The following ST8SIA5 variants were observed in gnomAD, a reference collection of about 807,000 sequenced individuals.
ST8SIA5 encodes the protein alpha-2,8-sialyltransferase 8E.
A neutral mutation model predicts 40.2 loss-of-function variants in ST8SIA5; 24 were observed. The ratio of observed to expected loss-of-function variants is 0.60; its 90% confidence interval spans 0.43 to 0.84. The LOEUF (loss-of-function observed/expected upper bound fraction) is 0.84. ST8SIA5 is among the 40% of genes least tolerant of loss of function. ST8SIA5 has a pLI of 0.00. For synonymous variants in ST8SIA5, 198 were observed against 201.8 expected, an observed-to-expected ratio of 0.98 and a Z score of 0.16; for missense variants, 465 against 498.5, an observed-to-expected ratio of 0.93 and a Z score of 0.64.
At chr18:46,680,567 C>A in intron 6 of ST8SIA5, 57 bp from the exon 7 acceptor site, 6 of 1,483,774 alleles carry the variant, frequency 4.0e-6, no homozygotes, top group East Asian at 2.5e-5. Context: ...TCAGGCCCCT[C>A]GCTTCCCCAC....
rs1355602640 is a variant in ST8SIA5, at chr18:46,671,997, C to G, written c.*8045G>C. The G allele has an allele frequency of 2.0e-5, 3 of 152,222 alleles. No homozygotes were observed. In the South Asian group the frequency reaches 6.2e-4, roughly 32 times the overall value. 9.4% of individuals were successfully genotyped at this position (152,222 alleles called of 1,614,324 possible). The stretch of plus-strand genomic sequence containing the variant: ...TCCACCCTGGCCTCACCAAATAACT[C>G]TGGGGCGGGGCCCATAATCAAGGAG... On this transcript the variant is annotated 3_prime_UTR_variant, in exon 7 of 7. Transcript: ENST00000315087.
At chr18:46,718,881 C>T (rs1005641731) in intron 1 of ST8SIA5, among the ~76,000 whole-genome samples, 4 of 152,080 alleles carry the variant, frequency 2.6e-5, no homozygotes, top group Admixed American at 2.0e-4. Context: ...ACGTCGTGTC[C>T]TCGTTAGGTC....
At chr18:46,692,389 T>C in intron 2 of ST8SIA5, 134 bp from the exon 3 acceptor site, 1 of 682,202 alleles carries the variant, frequency 1.5e-6, no homozygotes, top group Non-Finnish European at 2.5e-6. Context: ...TTGACCATGT[T>C]TTCTTCTCTT....
intron 1 of ST8SIA5, among the ~76,000 whole-genome samples, chr18:46,750,156 G>T (rs2040182791): frequency 6.6e-6 from 1 of 152,206 alleles, no homozygotes; most frequent in Non-Finnish European, 1.5e-5. Flanking sequence ...AAACTCCATT[G>T]AAAGACACGG....
intron 1 of ST8SIA5, among the ~76,000 whole-genome samples, chr18:46,719,653 C>T (rs36129965): frequency 0.18 from 12,935 of 70,972 alleles, 704 homozygotes; most frequent in African/African-American, 0.24. Context: ...TCACTTGACT[C>T]GCCTTTCTAT....
rs2039333518 is a variant in ST8SIA5, at chr18:46,675,435, C to T, written c.*4607G>A. On this transcript the variant is annotated 3_prime_UTR_variant, in exon 7 of 7. Transcript: ENST00000315087. ...GAGGAGACTCTGAGTTCAGATTGTT[C>T]TTTTAACTATACCAGTTGAGGACAT... The T allele has an allele frequency of 6.6e-6, 1 of 152,176 alleles. No homozygotes were observed. The highest frequency in any genetic ancestry group is 2.1e-4 in the South Asian group (1 of 4,824). 9.4% of individuals were successfully genotyped at this position (152,176 alleles called of 1,614,324 possible).
intron 1 of ST8SIA5, among the ~76,000 whole-genome samples, chr18:46,742,844 C>A (rs1369117267): frequency 6.6e-6 from 1 of 152,166 alleles, no homozygotes; most frequent in Non-Finnish European, 1.5e-5. Context: ...GGCGGATGCC[C>A]CTCTGGGACG....
rs1220231483 is a variant in ST8SIA5, at chr18:46,674,336, C to A, written c.*5706G>T. ...ATGAGGGAAAACAAAAAGAGGCTAGCCAAGCCCATAAGCCCCCACTAGACA... is the reference window on the plus strand; with the variant it reads ...ATGAGGGAAAACAAAAAGAGGCTAGACAAGCCCATAAGCCCCCACTAGACA... On this transcript the variant is annotated 3_prime_UTR_variant, in exon 7 of 7. Coordinates refer to ENST00000315087, the MANE Select transcript of ST8SIA5 (RefSeq NM_013305.6). 1 of 152,216 alleles carries A rather than the reference C, an allele frequency of 6.6e-6. No homozygotes were observed. The highest frequency in any genetic ancestry group is 6.5e-5 in the Admixed American group (1 of 15,282). 9.4% of individuals were successfully genotyped at this position (152,216 alleles called of 1,614,324 possible).
chr18:46,714,604 G>T (rs531126173), intron 1 of ST8SIA5, among the ~76,000 whole-genome samples: 21 of 152,256 alleles, frequency 1.4e-4, no homozygotes, highest in African/African-American at 5.1e-4. Context: ...CAGGGAGGGA[G>T]TGCTATCCCC....
rs1047704274 is a variant in ST8SIA5, at chr18:46,674,556, G to A, written c.*5486C>T. ...AGGAACCAGAGACCTCATTACTGTA[G>A]TAAACATGTGTTGAGTGGCCATGGC... is the stretch of plus-strand genomic sequence containing the variant. On this transcript the variant is annotated 3_prime_UTR_variant, in exon 7 of 7. Transcript: ENST00000315087. The A allele has an allele frequency of 2.0e-5, 3 of 152,284 alleles. No homozygotes were observed. The highest frequency in any genetic ancestry group is 4.4e-5 in the Non-Finnish European group (3 of 68,072). 9.4% of individuals were successfully genotyped at this position (152,284 alleles called of 1,614,324 possible).
At chr18:46,728,358 T>C (rs1429975766) in intron 1 of ST8SIA5, among the ~76,000 whole-genome samples, 1 of 152,180 alleles carries the variant, frequency 6.6e-6, no homozygotes, top group African/African-American at 2.4e-5. Flanking sequence ...GGGGAGGAAG[T>C]GGCACATGCG....
At chr18:46,733,143 G>A (rs1298579973) in intron 1 of ST8SIA5, among the ~76,000 whole-genome samples, 1 of 152,116 alleles carries the variant, frequency 6.6e-6, no homozygotes, top group East Asian at 1.9e-4. Flanking sequence ...ACCCTGGGAG[G>A]GGGAAGACCC....
intron 1 of ST8SIA5, among the ~76,000 whole-genome samples, chr18:46,717,467 C>T (rs1196924903): frequency 6.6e-6 from 1 of 152,162 alleles, no homozygotes; most frequent in African/African-American, 2.4e-5. Flanking sequence ...GCCCGAGTAG[C>T]TGGGATTACA....
chr18:46,729,381 G>C (rs535956206), intron 1 of ST8SIA5, among the ~76,000 whole-genome samples: 1 of 16,988 alleles, frequency 5.9e-5, no homozygotes, highest in East Asian at 6.3e-3. Flanking sequence ...AGGGGGCCAG[G>C]GGTGGGTGCC....
At chr18:46,685,187 A>G (rs2039433869) in intron 5 of ST8SIA5, among the ~76,000 whole-genome samples, 1 of 152,198 alleles carries the variant, frequency 6.6e-6, no homozygotes, top group Non-Finnish European at 1.5e-5. Context: ...GCAATGCTGG[A>G]GCCTGGATCA....
In ST8SIA5 at chr18:46,676,104, C is replaced by A. The variant is rs1267010243; in HGVS notation, c.*3938G>T. 6.6e-6 allele frequency: 1 copy of A among 152,164 alleles called. No homozygotes were observed. The highest frequency in any genetic ancestry group is 2.4e-5 in the African/African-American group (1 of 41,424). The allele number at this position is 152,164 out of a possible 1,614,324, so 9.4% of individuals were successfully genotyped here. A position where few individuals can be genotyped will look rare whatever the true frequency, so the allele number is the denominator to read the frequency against. On this transcript the variant is annotated 3_prime_UTR_variant, in exon 7 of 7. Coordinates refer to ENST00000315087, the MANE Select transcript of ST8SIA5 (RefSeq NM_013305.6). ...GAGAGGCCAACCTTGTCAAATGTTACACGGATGTCAAGGATGATATCTGAG... is the reference window on the plus strand; with the variant it reads ...GAGAGGCCAACCTTGTCAAATGTTAAACGGATGTCAAGGATGATATCTGAG...
At chr18:46,749,978 G>A (rs1021773962) in intron 1 of ST8SIA5, among the ~76,000 whole-genome samples, 2 of 152,150 alleles carry the variant, frequency 1.3e-5, no homozygotes, top group Non-Finnish European at 2.9e-5. Context: ...GCCCTCACCA[G>A]AACCCAACCA....
rs532936581 is a variant in ST8SIA5 at position 46,729,057 on chromosome 18, C to A, written c.132-24393G>T. 1.8e-4 allele frequency among the ~76,000 whole-genome samples: 27 copies of A among 152,290 alleles called. 2 individuals carry two copies. The highest frequency in any genetic ancestry group is 4.8e-4 in the African/African-American group (20 of 41,552). On this transcript the variant is annotated intron_variant, in intron 1 of 6. Transcript: ENST00000315087. ...CCACTATTGTGCTCCCACAATCATC[C>A]TGCGCCCCACCTGCCTCAATGTCCC...
Position 46,678,117 on chromosome 18 carries a change from T to G in ST8SIA5, c.*1925A>C, listed in dbSNP as rs1019467312. On this transcript the variant is annotated 3_prime_UTR_variant, in exon 7 of 7. Transcript: ENST00000315087. ...CAAGTAATAACCATCCACTGTCCTT[T>G]GCAGTTCTTCCTGGTTTAGCAGGTG... is the stretch of plus-strand genomic sequence containing the variant. 1 of 152,242 alleles carries G rather than the reference T, an allele frequency of 6.6e-6. No homozygotes were observed. Among genetic ancestry groups the G allele is most frequent in the Non-Finnish European group, 1.5e-5 (1 of 68,058 alleles). 9.4% of individuals were successfully genotyped at this position (152,242 alleles called of 1,614,324 possible). A position where few individuals can be genotyped will look rare whatever the true frequency, so the allele number is the denominator to read the frequency against.
Sources: allele counts gnomAD v4.1 joint callset (sites outside exome capture counted in the v4.1 genomes callset), GRCh38; gene constraint gnomAD v4.1.1; transcripts MANE v1.5; gene names NCBI Gene and HGNC (gene_info 2026-07-23, HGNC 2026-07-21).